The following RPH3A variants were observed in gnomAD, a reference collection of about 807,000 sequenced individuals.
RPH3A encodes the protein rabphilin-3A.
A neutral mutation model predicts 102.2 loss-of-function variants in RPH3A; 48 were observed. The observed-to-expected ratio is 0.47, with a 90% CI of 0.37 to 0.60. The LOEUF (loss-of-function observed/expected upper bound fraction) is 0.60, where lower values mean the gene tolerates loss of function less well. RPH3A is among the 20% of genes least tolerant of loss of function. The pLI, the probability that RPH3A is intolerant of heterozygous loss-of-function variation, is 0.00. For synonymous variants in RPH3A, 310 were observed against 324.3 expected (o/e 0.96, Z 0.47); for missense variants, 781 against 910.1 (o/e 0.86, Z 1.83).
At chr12:112,802,464 A>G (rs1282295973) in intron 2 of RPH3A, among the ~76,000 whole-genome samples, 2 of 152,126 alleles carry the variant, frequency 1.3e-5, no homozygotes, top group African/African-American at 4.8e-5. Context: ...GTTTTTTTAA[A>G]CAGTCCCCTG....
intron 1 of RPH3A, among the ~76,000 whole-genome samples, chr12:112,730,164 G>A (rs145046074): frequency 2.8e-4 from 42 of 152,330 alleles, no homozygotes; most frequent in Admixed American, 2.3e-3. Flanking sequence ...CAACCTGGCC[G>A]ACACCTTGGT....
chr12:112,783,365 C>T (rs993521515), intron 1 of RPH3A, among the ~76,000 whole-genome samples: 5 of 152,138 alleles, frequency 3.3e-5, no homozygotes, highest in African/African-American at 1.2e-4. Context: ...GATCCAATCT[C>T]TTCCTTCCCA....
chr12:112,656,884 C>T (rs1232086159), intron 1 of RPH3A, among the ~76,000 whole-genome samples: 1 of 151,782 alleles, frequency 6.6e-6, no homozygotes, highest in Admixed American at 6.6e-5. Context: ...CATGACTTTG[C>T]TATTGTGAAT....
intron 1 of RPH3A, among the ~76,000 whole-genome samples, chr12:112,713,583 A>G (rs1047757001): frequency 1.3e-5 from 2 of 151,614 alleles, no homozygotes; most frequent in African/African-American, 4.8e-5. Context: ...AAAGCAGCCT[A>G]ACAATAAACA....
Position 112,890,038 on chromosome 12 carries a change from G to T in RPH3A, c.1578G>T (p.Gly526=). The T allele has an allele frequency of 1.2e-6, 2 of 1,613,614 alleles. No individual in the cohort carries two copies. The highest frequency in any genetic ancestry group is 1.7e-6 in the Non-Finnish European group (2 of 1,179,968). Residue 526 remains glycine (G), a synonymous_variant, in exon 18 of 22, where the codon GGG becomes GGT. Coordinates refer to ENST00000389385, the MANE Select transcript of RPH3A (RefSeq NM_001143854.2). ...CTTCTTTTAAGATGAAACGTGCTGG[G>T]ACCACCGGGTCAGCCCGAGGCATGG... ...LERVIPMKRA[G]TTGSARGMAL... is the part of the protein sequence containing the mutation.
intron 2 of RPH3A, among the ~76,000 whole-genome samples, chr12:112,819,887 G>A (rs2041748215): frequency 6.6e-6 from 1 of 152,226 alleles, no homozygotes; most frequent in Admixed American, 6.5e-5. Flanking sequence ...AGGCTCTGAA[G>A]GGCTAGTATT....
At chr12:112,863,484 A>AT (rs1490896255) in intron 5 of RPH3A, among the ~76,000 whole-genome samples, 1 of 152,028 alleles carries the variant, frequency 6.6e-6, no homozygotes, top group Non-Finnish European at 1.5e-5. Flanking sequence ...GGCCCAGCTA[A>AT]TTTTTTTGTA....
intron 6 of RPH3A, 139 bp from the exon 7 acceptor site, chr12:112,866,618 C>T (rs985879871): frequency 3.1e-6 from 2 of 646,006 alleles, no homozygotes; most frequent in Admixed American, 5.2e-5. Context: ...TTCTAACTGG[C>T]CTTGCTCATA....
In RPH3A at chr12:112,833,768, C is replaced by T. The variant is rs562818285; in HGVS notation, c.72-2723C>T. On this transcript the variant is annotated intron_variant, in intron 3 of 21. Coordinates refer to ENST00000389385, the MANE Select transcript of RPH3A (RefSeq NM_001143854.2). ...TTTTAAAGACAGTGTCTCACTGTGT[C>T]ACATAGGCCGGAGTGCAATAGCACA... 3.3e-5 allele frequency among the ~76,000 whole-genome samples: 5 copies of T among 149,994 alleles called. No individual in the cohort carries two copies. In the East Asian group the frequency reaches 9.7e-4, roughly 29 times the overall value.
chr12:112,690,720 G>A (rs1227542925), intron 1 of RPH3A, among the ~76,000 whole-genome samples: 1 of 152,190 alleles, frequency 6.6e-6, no homozygotes, highest in Non-Finnish European at 1.5e-5. Context: ...TCTTGGGGAG[G>A]AGTGGGGTTA....
intron 1 of RPH3A, among the ~76,000 whole-genome samples, chr12:112,684,251 T>A (rs2040247124): frequency 6.6e-6 from 1 of 152,094 alleles, no homozygotes; most frequent in Non-Finnish European, 1.5e-5. Context: ...TTTTTATTGT[T>A]TTTTTGTTTT....
chr12:112,708,557 GC>G (rs1565854974), intron 1 of RPH3A, among the ~76,000 whole-genome samples: 1 of 152,326 alleles, frequency 6.6e-6, no homozygotes, highest in Non-Finnish European at 1.5e-5. Flanking sequence ...CTGGTGGGGA[GC>G]AAAGCAGTGG....
intron 2 of RPH3A, among the ~76,000 whole-genome samples, chr12:112,824,611 G>A (rs1258431883): frequency 2.6e-5 from 4 of 152,136 alleles, no homozygotes; most frequent in Admixed American, 6.5e-5. Context: ...TTCTGGTCCA[G>A]GCCTGGTAGA....
intron 1 of RPH3A, among the ~76,000 whole-genome samples, chr12:112,747,297 G>A (rs1045445710): frequency 2.0e-5 from 3 of 152,202 alleles, no homozygotes; most frequent in African/African-American, 7.2e-5. Context: ...AGAGGCCCAA[G>A]AGAGACCCCT....
At chr12:112,592,812 T>G (rs2039489123) in intron 1 of RPH3A, among the ~76,000 whole-genome samples, 1 of 152,138 alleles carries the variant, frequency 6.6e-6, no homozygotes. Flanking sequence ...CCCTTGTAGT[T>G]AAGCGGGGCC....
At chr12:112,735,787 A>G (rs1360154003) in intron 1 of RPH3A, among the ~76,000 whole-genome samples, 1 of 152,148 alleles carries the variant, frequency 6.6e-6, no homozygotes, top group Non-Finnish European at 1.5e-5. Flanking sequence ...TGACCTGCTC[A>G]TTGTCCACTC....
intron 1 of RPH3A, among the ~76,000 whole-genome samples, chr12:112,740,185 G>C (rs2040699206): frequency 6.6e-6 from 1 of 152,086 alleles, no homozygotes; most frequent in Admixed American, 6.6e-5. Context: ...GATAATAATA[G>C]TACCTTCTAC....
At chr12:112,590,318 C>G (rs906913929) in intron 1 of RPH3A, among the ~76,000 whole-genome samples, 1 of 152,186 alleles carries the variant, frequency 6.6e-6, no homozygotes, top group Non-Finnish European at 1.5e-5. Context: ...TGAGCTCTTG[C>G]AGCCACCAGC....
At chr12:112,846,304 G>A (rs958237787) in intron 4 of RPH3A, among the ~76,000 whole-genome samples, 1 of 152,200 alleles carries the variant, frequency 6.6e-6, no homozygotes, top group African/African-American at 2.4e-5. Context: ...TGAGCAAGGG[G>A]TTTGAGCAGT....
Sources: allele counts gnomAD v4.1 joint callset (sites outside exome capture counted in the v4.1 genomes callset), GRCh38; gene constraint gnomAD v4.1.1; transcripts MANE v1.5; gene names NCBI Gene and HGNC (gene_info 2026-07-23, HGNC 2026-07-21).